The following TCF4 variants were observed in gnomAD, a reference collection of about 807,000 sequenced individuals.
TCF4 encodes SL3-3 enhancer factor 2.
A neutral mutation model predicts 82.1 loss-of-function variants in TCF4; 3 were observed. The observed-to-expected ratio is 0.04, with a 90% CI of 0.02 to 0.09. TCF4 has a LOEUF of 0.09. Ranked by LOEUF, TCF4 falls within the 10% of genes least tolerant of loss-of-function variation. TCF4 has a pLI of 1.00. For missense variants in TCF4, 518 were observed against 852.7 expected (o/e 0.61, Z 4.89); for synonymous variants, 276 against 309.6 (o/e 0.89, Z 1.14).
intron 2 of TCF4, among the ~76,000 whole-genome samples, chr18:55,609,916 TTTG>T (rs1254602977): frequency 1.3e-5 from 2 of 152,028 alleles, no homozygotes; most frequent in African/African-American, 2.4e-5. Context: ...TCACCCCCTG[TTTG>T]TTTTCTTTTT....
chr18:55,605,473 T>C (rs2097701406), intron 2 of TCF4, among the ~76,000 whole-genome samples: 1 of 152,210 alleles, frequency 6.6e-6, no homozygotes. Context: ...TTCTCTCTTC[T>C]AGAGTTGGAA....
chr18:55,524,729 C>T (rs2096963611), intron 3 of TCF4, among the ~76,000 whole-genome samples: 1 of 152,164 alleles, frequency 6.6e-6, no homozygotes. Context: ...CCAAGCACTA[C>T]TGTGGTGGTC....
intron 8 of TCF4, among the ~76,000 whole-genome samples, chr18:55,342,610 C>T (rs888473554): frequency 6.6e-6 from 1 of 152,100 alleles, no homozygotes; most frequent in Non-Finnish European, 1.5e-5. Flanking sequence ...TTAGTAGTAA[C>T]GCAAAATGAG....
At chr18:55,635,114 T>C (rs1358155341) in intron 1 of TCF4, among the ~76,000 whole-genome samples, 2 of 152,154 alleles carry the variant, frequency 1.3e-5, no homozygotes, top group Non-Finnish European at 2.9e-5. Context: ...TTATGAATAC[T>C]GAGAAGCAGC....
At chr18:55,399,870 TCTCTCTCTCTCACA>T (rs1358442097) in intron 6 of TCF4, among the ~76,000 whole-genome samples, 1 of 131,618 alleles carries the variant, frequency 7.6e-6, no homozygotes, top group African/African-American at 3.1e-5. Flanking sequence ...TCTCTCTCTC[TCTCTCTCTCTCACA>T]CACACACACA....
intron 3 of TCF4, among the ~76,000 whole-genome samples, chr18:55,571,165 G>A (rs2097462410): frequency 6.6e-6 from 1 of 151,696 alleles, no homozygotes; most frequent in South Asian, 2.1e-4. Flanking sequence ...CAAAAAAGAG[G>A]AACACAAAGG....
intron 6 of TCF4, among the ~76,000 whole-genome samples, chr18:55,394,271 C>G (rs1477475835): frequency 6.6e-6 from 1 of 152,084 alleles, no homozygotes; most frequent in Non-Finnish European, 1.5e-5. Context: ...CACACAGAGA[C>G]CCCCCCATGT....
intron 2 of TCF4, among the ~76,000 whole-genome samples, chr18:55,621,704 T>A (rs1339455500): frequency 1.1e-5 from 1 of 87,262 alleles, no homozygotes. Flanking sequence ...ATAATATATA[T>A]TATATAATAT....
intron 15 of TCF4, among the ~76,000 whole-genome samples, chr18:55,238,709 G>T (rs2050287530): frequency 6.6e-6 from 1 of 152,152 alleles, no homozygotes; most frequent in Non-Finnish European, 1.5e-5. Flanking sequence ...TCCTCTCTCT[G>T]GGGGGACCTC....
chr18:55,236,796 T>G (rs1199183711), intron 15 of TCF4, among the ~76,000 whole-genome samples: 5 of 152,232 alleles, frequency 3.3e-5, no homozygotes. Flanking sequence ...TAATTCTTCG[T>G]GCTGATTCAT....
chr18:55,279,775 T>G (rs969588552), intron 8 of TCF4, 119 bp from the exon 9 acceptor site: 1 of 1,481,536 alleles, frequency 6.7e-7, no homozygotes, highest in Non-Finnish European at 9.1e-7. Flanking sequence ...AGTTTAAATC[T>G]GAACAAACCC....
chr18:55,448,815 T>C (rs964933897), intron 5 of TCF4, among the ~76,000 whole-genome samples: 1 of 152,228 alleles, frequency 6.6e-6, no homozygotes, highest in Non-Finnish European at 1.5e-5. Context: ...ATTCCACTCT[T>C]AAACTAGTAT....
intron 5 of TCF4, among the ~76,000 whole-genome samples, chr18:55,417,334 A>G (rs910275822): frequency 1.3e-5 from 2 of 152,232 alleles, no homozygotes; most frequent in African/African-American, 4.8e-5. Context: ...TGCATTTTTA[A>G]AACGTCTTCA....
intron 3 of TCF4, among the ~76,000 whole-genome samples, chr18:55,559,404 G>A (rs1184052270): frequency 6.6e-6 from 1 of 152,086 alleles, no homozygotes; most frequent in Non-Finnish European, 1.5e-5. Flanking sequence ...TAGGTGAAAT[G>A]AAGTGCACTT....
intron 10 of TCF4, among the ~76,000 whole-genome samples, chr18:55,273,354 A>G (rs1184143961): frequency 6.6e-6 from 1 of 152,182 alleles, no homozygotes; most frequent in Non-Finnish European, 1.5e-5. Flanking sequence ...TAATCCAGGA[A>G]CAGCGCTTAG....
At chr18:55,535,788 G>A (rs1395705629) in intron 3 of TCF4, among the ~76,000 whole-genome samples, 1 of 152,236 alleles carries the variant, frequency 6.6e-6, no homozygotes, top group African/African-American at 2.4e-5. Context: ...TCAGTTCAAG[G>A]CATTCTATGA....
At chr18:55,380,390 G>A (rs138069021) in intron 6 of TCF4, among the ~76,000 whole-genome samples, 29 of 151,834 alleles carry the variant, frequency 1.9e-4, no homozygotes, top group African/African-American at 6.3e-4. Context: ...ATCTACATCC[G>A]GTATTTCTCC....
chr18:55,461,323 T>A (rs1462943349), intron 4 of TCF4, among the ~76,000 whole-genome samples: 1 of 152,146 alleles, frequency 6.6e-6, no homozygotes, highest in Non-Finnish European at 1.5e-5. Flanking sequence ...ATTTTCCTCA[T>A]AATAGCTGAG....
At chr18:55,396,087 C>T (rs1569352978) in intron 6 of TCF4, among the ~76,000 whole-genome samples, 2 of 152,100 alleles carry the variant, frequency 1.3e-5, no homozygotes, top group Non-Finnish European at 2.9e-5. Context: ...CCCCAGTGGG[C>T]CTGGAATCGA....
Sources: gnomAD v4.1 joint callset for allele counts (sites outside exome capture counted in the v4.1 genomes callset) on GRCh38, gnomAD v4.1.1 for gene constraint, MANE v1.5 for transcripts, NCBI Gene and HGNC (gene_info 2026-07-23, HGNC 2026-07-21) for gene names.